Variants in MARCHF1 observed in about 807,000 individuals in gnomAD.
MARCHF1 encodes E3 ubiquitin-protein ligase MARCHF1.
Under a neutral mutation model 54.2 loss-of-function variants are expected in MARCHF1, and 40 were observed. The ratio of observed to expected loss-of-function variants is 0.74; its 90% CI spans 0.57 to 0.96. MARCHF1 has a LOEUF of 0.96. Among genes scored for constraint, MARCHF1 ranks in the 40% least tolerant of loss-of-function variants. The pLI, the probability that MARCHF1 is intolerant of heterozygous loss-of-function variation, is 0.00. For synonymous variants in MARCHF1, 236 were observed against 236.3 expected (o/e 1.00, Z 0.01); for missense variants, 586 against 656.5 (o/e 0.89, Z 1.17).
chr4:163,815,769 T>C lies in MARCHF1; in HGVS notation c.111+38252A>G, dbSNP rs556934955. 1.6e-4 allele frequency among the ~76,000 whole-genome samples: 24 copies of C among 152,300 alleles called. 1 individual carries two copies. The East Asian group carries it at 2.9e-3, about 18-fold the overall frequency. On this transcript the variant is annotated intron_variant, in intron 4 of 9. Coordinates refer to ENST00000514618, the MANE Select transcript of MARCHF1 (RefSeq NM_001394959.1). ...ATAGATTTTATAAGATACCAGAATA[T>C]TGTAAGAGATATTACAGAAAAGCAT...
intron 4 of MARCHF1, among the ~76,000 whole-genome samples, chr4:163,741,421 C>G (rs977759586): frequency 1.6e-4 from 24 of 151,604 alleles, no homozygotes; most frequent in African/African-American, 5.8e-4. Flanking sequence ...CCCATCTCTA[C>G]CAAAAATACA....
intron 4 of MARCHF1, among the ~76,000 whole-genome samples, chr4:163,751,776 C>T (rs1746528519): frequency 6.7e-6 from 1 of 150,104 alleles, no homozygotes; most frequent in African/African-American, 2.5e-5. Flanking sequence ...TAATGTATTT[C>T]CAATAAAATA....
chr4:163,564,343 A>G (rs1739574053), intron 8 of MARCHF1, among the ~76,000 whole-genome samples: 1 of 152,228 alleles, frequency 6.6e-6, no homozygotes, highest in Non-Finnish European at 1.5e-5. Context: ...GGATATGATA[A>G]TTTGCACTAT....
At chr4:163,841,439 TAG>T (rs1318631478) in intron 4 of MARCHF1, among the ~76,000 whole-genome samples, 6 of 103,524 alleles carry the variant, frequency 5.8e-5, no homozygotes, top group African/African-American at 1.4e-4. Flanking sequence ...CTATATAAAA[TAG>T]AGTCTATTTT....
At chr4:164,338,992 A>G (rs899676239) in intron 1 of MARCHF1, among the ~76,000 whole-genome samples, 2 of 152,136 alleles carry the variant, frequency 1.3e-5, no homozygotes, top group African/African-American at 4.8e-5. Flanking sequence ...AAATAAATAA[A>G]ATAAAATAAG....
chr4:164,375,561 T>C (rs1731164389), intron 1 of MARCHF1, among the ~76,000 whole-genome samples: 1 of 152,242 alleles, frequency 6.6e-6, no homozygotes, highest in East Asian at 1.9e-4. Flanking sequence ...TAACTCTTAA[T>C]ATTTGCTAGG....
chr4:164,036,102 CAAAAAA>C (rs34183134), intron 2 of MARCHF1, among the ~76,000 whole-genome samples: 1 of 82,904 alleles, frequency 1.2e-5, no homozygotes, highest in South Asian at 4.7e-4. Context: ...GATTCTGTCT[CAAAAAA>C]AAAAAAAACA....
intron 4 of MARCHF1, among the ~76,000 whole-genome samples, chr4:163,819,062 A>G (rs891498125): frequency 6.6e-6 from 1 of 151,962 alleles, no homozygotes; most frequent in Admixed American, 6.6e-5. Context: ...CATATCTCCA[A>G]TGCTCTTCCT....
intron 3 of MARCHF1, among the ~76,000 whole-genome samples, chr4:163,905,524 A>G (rs1247309977): frequency 1.3e-5 from 2 of 152,110 alleles, no homozygotes; most frequent in East Asian, 3.8e-4. Context: ...TATATCACAG[A>G]AAAAGAGGAA....
intron 4 of MARCHF1, among the ~76,000 whole-genome samples, chr4:163,850,050 C>G (rs992019746): frequency 6.6e-6 from 1 of 152,122 alleles, no homozygotes; most frequent in Non-Finnish European, 1.5e-5. Flanking sequence ...AACTAGAGGT[C>G]GGGAGGAGAA....
intron 1 of MARCHF1, among the ~76,000 whole-genome samples, chr4:164,337,052 G>T (rs564200629): frequency 1.9e-4 from 29 of 152,222 alleles, no homozygotes; most frequent in African/African-American, 6.3e-4. Flanking sequence ...GGAAAGGGAG[G>T]AGAGAAAGGA....
At chr4:164,191,095 T>C (rs1560946718) in intron 1 of MARCHF1, among the ~76,000 whole-genome samples, 1 of 152,222 alleles carries the variant, frequency 6.6e-6, no homozygotes, top group African/African-American at 2.4e-5. Flanking sequence ...TGTCTGACAG[T>C]GATTGGATCA....
At chr4:163,620,622 G>C (rs1020024990) in intron 5 of MARCHF1, among the ~76,000 whole-genome samples, 1,636 of 134,476 alleles carry the variant, frequency 0.012, 24 homozygotes, top group African/African-American at 0.044. Flanking sequence ...GAGAGAGAGA[G>C]AGAGAGAGAG....
intron 4 of MARCHF1, among the ~76,000 whole-genome samples, chr4:163,771,088 G>T (rs1387327640): frequency 6.6e-6 from 1 of 152,060 alleles, no homozygotes; most frequent in Non-Finnish European, 1.5e-5. Context: ...ACCAAATTTT[G>T]TGCTAACATA....
rs145134942 is a variant in MARCHF1 at position 163,684,653 on chromosome 4, A to G, written c.162+16160T>C. Reference sequence around the variant, plus strand: ...ATATTTACTTCTTCTTGTTACCAGCATTGCTTAAGTACTCAATAGCCCATA... The same window carrying G: ...ATATTTACTTCTTCTTGTTACCAGCGTTGCTTAAGTACTCAATAGCCCATA... On this transcript the variant is annotated intron_variant, in intron 5 of 9. Transcript: ENST00000514618. Among the ~76,000 whole-genome samples, 262 of 152,296 alleles carry G rather than the reference A, an allele frequency of 1.7e-3. 1 individual carries two copies. Among genetic ancestry groups the G allele is most frequent in the African/African-American group, 6.2e-3 (256 of 41,548 alleles).
intron 2 of MARCHF1, among the ~76,000 whole-genome samples, chr4:163,999,116 C>A (rs1453184995): frequency 6.6e-6 from 1 of 151,602 alleles, no homozygotes; most frequent in Non-Finnish European, 1.5e-5. Context: ...CATGTATATT[C>A]CTTCATCTTT....
intron 5 of MARCHF1, among the ~76,000 whole-genome samples, chr4:163,666,613 T>C (rs1042720873): frequency 3.9e-5 from 6 of 152,162 alleles, no homozygotes; most frequent in African/African-American, 1.2e-4. Flanking sequence ...TCTCAATGAA[T>C]GGATAGAACA....
At chr4:164,286,933 G>C (rs891817601) in intron 1 of MARCHF1, among the ~76,000 whole-genome samples, 7 of 149,766 alleles carry the variant, frequency 4.7e-5, no homozygotes, top group African/African-American at 1.7e-4. Flanking sequence ...TGCTGCATGT[G>C]GTGGAAAATC....
chr4:164,160,454 G>C (rs748120703), intron 1 of MARCHF1, among the ~76,000 whole-genome samples: 2 of 152,112 alleles, frequency 1.3e-5, no homozygotes, highest in South Asian at 2.1e-4. Context: ...GACCACAGTC[G>C]CATATGTGGT....
Sources: gnomAD v4.1 joint callset for allele counts (sites outside exome capture counted in the v4.1 genomes callset) on GRCh38, gnomAD v4.1.1 for gene constraint, MANE v1.5 for transcripts, NCBI Gene and HGNC (gene_info 2026-07-23, HGNC 2026-07-21) for gene names.